Variants in LIG4 observed in about 807,000 individuals in gnomAD.
LIG4 encodes DNA ligase 4.
A neutral mutation model predicts 19.0 loss-of-function variants in LIG4; 13 were observed. The ratio of observed to expected loss-of-function variants is 0.68; its 90% confidence interval spans 0.44 to 1.09. The LOEUF is 1.09. LIG4 is among the 50% of genes least tolerant of loss of function. The probability of loss-of-function intolerance (pLI) is 0.00; values close to 1 mark genes in which losing one functional copy is unlikely to be tolerated. For missense variants in LIG4, 1,026 were observed against 1,089.7 expected (o/e 0.94, Z 0.82); for synonymous variants, 361 against 358.2 (o/e 1.01, Z -0.09).
chr13:108,213,167 C>T (rs1394347985), intron 2 of LIG4, among the ~76,000 whole-genome samples: 3 of 152,162 alleles, frequency 2.0e-5, no homozygotes, highest in African/African-American at 7.2e-5. Context: ...GTTGTTTCCT[C>T]TCTCTGAATC....
Position 108,210,557 on chromosome 13 carries a change from T to G in LIG4, c.712A>C (p.Ile238Leu), listed in dbSNP as rs149012859. ...LHDPSVGLSD[I>L]SITLFSAFKP... ...AATGCAGAAAATAAAGTGATAGAAA[T>G]ATCACTGAGTCCTACAGAAGGATCA... Residue 238 changes from isoleucine to leucine, a missense_variant, in exon 3 of 3, where the codon ATT (isoleucine) becomes CTT (leucine). This residue lies in a region of LIG4 where 493 missense variants were observed against 544.5 expected (regional missense o/e 0.91). Coordinates refer to ENST00000442234, the MANE Select transcript of LIG4 (RefSeq NM_206937.2). 1 of 1,612,794 alleles carries G rather than the reference T, an allele frequency of 6.2e-7. No homozygotes were observed. The highest frequency in any genetic ancestry group is 1.3e-5 in the African/African-American group (1 of 75,056).
chr13:108,211,191 T>C lies in LIG4; in HGVS notation c.78A>G (p.Ile26Met). 6.2e-7 allele frequency: 1 copy of C among 1,613,498 alleles called. No individual in the cohort carries two copies. Among genetic ancestry groups the C allele is most frequent in the Non-Finnish European group, 8.5e-7 (1 of 1,179,928 alleles). The change falls in exon 3 of 3, where the codon ATA (isoleucine) becomes ATG (methionine). Residue 26 changes from isoleucine (I) to methionine (M), a missense_variant. By Grantham distance (10) the Ile-to-Met change is conservative. Transcript: ENST00000442234. Reference protein sequence around the residue: ...FADLCSTLERIQKSKGRAEKI... With the variant: ...FADLCSTLERMQKSKGRAEKI... ...TTTCTGCACGTCCTTTACTTTTCTG[T>C]ATTCGTTCTAAAGTTGAACACAAAT...
chr13:108,210,836 T>C lies in LIG4; in HGVS notation c.433A>G (p.Ile145Val). 1 of 1,613,958 alleles carries C rather than the reference T, an allele frequency of 6.2e-7. No individual in the cohort carries two copies. The change falls in exon 3 of 3, where the codon ATA (isoleucine) becomes GTA (valine). Residue 145 changes from isoleucine (I) to valine (V), a missense_variant. Transcript: ENST00000442234. ...PRCLQKGSLT[I>V]QQVNDLLDSI... ...TCTAAAAGGTCGTTTACTTGCTGTA[T>C]GGTTAAACTTCCTTTCTGTAAACAT...
At position 108,210,525 on chromosome 13, in the gene LIG4, T is replaced by C; in HGVS notation, c.744A>G (p.Pro248=). 1 of 1,612,594 alleles carries C rather than the reference T, an allele frequency of 6.2e-7. No homozygotes were observed. Among genetic ancestry groups the C allele is most frequent in the Non-Finnish European group, 8.5e-7 (1 of 1,179,936 alleles). The change falls in exon 3 of 3, where the codon CCA becomes CCG. Residue 248 remains proline (P), a synonymous_variant. Transcript: ENST00000442234. ...ISITLFSAFK[P]MLAAIADIEH... ...CAATATCTGCAATAGCAGCTAGCAT[T>C]GGTTTAAATGCAGAAAATAAAGTGA...
In LIG4 at chr13:108,209,112, A is replaced by G. The variant is rs2138968929; in HGVS notation, c.2157T>C (p.Asp719=). The change falls in exon 3 of 3, where the codon GAT becomes GAC. Residue 719 remains aspartate, a synonymous_variant. Coordinates refer to ENST00000442234, the MANE Select transcript of LIG4 (RefSeq NM_206937.2). ...VKNIILSNKH[D]VVKPAWLLEC... is the part of the protein sequence containing the mutation. ...CTAAAAGCCATGCAGGCTTGACAACATCATGTTTATTTGACAAAATTATGT... is the reference window on the plus strand; with the variant it reads ...CTAAAAGCCATGCAGGCTTGACAACGTCATGTTTATTTGACAAAATTATGT... 3 of 1,614,138 alleles carry G rather than the reference A, an allele frequency of 1.9e-6. No individual in the cohort carries two copies. The highest frequency in any genetic ancestry group is 2.5e-6 in the Non-Finnish European group (3 of 1,180,012).
In LIG4 at chr13:108,210,301, A is replaced by T; in HGVS notation, c.968T>A (p.Ile323Lys). Residue 323 changes from isoleucine to lysine, a missense_variant, in exon 3 of 3, where the codon ATA (isoleucine) becomes AAA (lysine). Transcript: ENST00000442234. ...CTCACCATCAAGAATACAGATTTGT[A>T]TATCTGCTTTGAATGCATTATGAAT... ...PFIHNAFKADIQICILDGEMM... is the reference protein window; with the variant it reads ...PFIHNAFKADKQICILDGEMM... The T allele has an allele frequency of 4.3e-6, 7 of 1,614,018 alleles. No individual in the cohort carries two copies. The highest frequency in any genetic ancestry group is 5.9e-6 in the Non-Finnish European group (7 of 1,179,912).
At position 108,209,832 on chromosome 13, in the gene LIG4, C is replaced by A. The variant is rs529839175; in HGVS notation, c.1437G>T (p.Met479Ile). The change falls in exon 3 of 3, where the codon ATG becomes ATT. Residue 479 changes from methionine (M) to isoleucine (I), a missense_variant. By Grantham distance (10) the Met-to-Ile change is conservative. Coordinates refer to ENST00000442234, the MANE Select transcript of LIG4 (RefSeq NM_206937.2). Reference protein sequence around the residue: ...GYWGKGSRGGMMSHFLCAVAE... With the variant: ...GYWGKGSRGGIMSHFLCAVAE... ...CTACTGCACACAGAAAATGAGACAT[C>A]ATTCCACCCCGTGATCCTTTACCCC... The A allele has an allele frequency of 1.9e-5, 30 of 1,614,152 alleles. No individual in the cohort carries two copies. In the Admixed American group the frequency reaches 4.0e-4, roughly 22 times the overall value.
Position 108,208,673 on chromosome 13 carries a change from CA to C in LIG4, c.2595del (p.Ile865MetfsTer25), listed in dbSNP as rs757090161. ...CLAEGVSHVI[I>X]GEDHSRVADF... ...TCTGCAACACGACTATGATCTTCCCCAATTATTACATGAGACACTCCCTCAG... is the reference window on the plus strand; with the variant it reads ...TCTGCAACACGACTATGATCTTCCCCATTATTACATGAGACACTCCCTCAG... On this transcript the variant is annotated frameshift_variant, in exon 3 of 3. Coordinates refer to ENST00000442234, the MANE Select transcript of LIG4 (RefSeq NM_206937.2). LOFTEE classifies it high-confidence loss of function. The C allele has an allele frequency of 1.9e-6, 3 of 1,614,080 alleles. No individual in the cohort carries two copies. The highest frequency in any genetic ancestry group is 2.5e-6 in the Non-Finnish European group (3 of 1,179,984).
chr13:108,211,549 G>A (rs1202643762), intron 2 of LIG4, among the ~76,000 whole-genome samples: 2 of 152,090 alleles, frequency 1.3e-5, no homozygotes, highest in African/African-American at 2.4e-5. Flanking sequence ...TTATAATACA[G>A]AAATCATTTT....
In LIG4 at chr13:108,210,445, T is replaced by C; in HGVS notation, c.824A>G (p.Asp275Gly). The C allele has an allele frequency of 6.2e-7, 1 of 1,613,458 alleles. No individual in the cohort carries two copies. Among genetic ancestry groups the C allele is most frequent in the Non-Finnish European group, 8.5e-7 (1 of 1,179,904 alleles). The change falls in exon 3 of 3, where the codon GAT (aspartate) becomes GGT (glycine). Residue 275 changes from aspartate to glycine, a missense_variant. Physicochemically the swap from Asp to Gly is moderately conservative, Grantham distance 94. Around this residue, in one of 3 missense-constraint regions of LIG4, gnomAD observed 493 missense variants for 544.5 expected, o/e 0.91. Transcript: ENST00000442234. ...HQSFYIETKL[D>G]GERMQMHKDG... ...TTTGTGCATTTGCATACGTTCACCA[T>C]CTAGCTTGGTTTCTATGTAGAAACT... is the stretch of plus-strand genomic sequence containing the variant.
In LIG4 at chr13:108,211,058, T is replaced by A; in HGVS notation, c.211A>T (p.Ile71Phe). 1 of 1,602,892 alleles carries A rather than the reference T, an allele frequency of 6.2e-7. No homozygotes were observed. The highest frequency in any genetic ancestry group is 8.5e-7 in the Non-Finnish European group (1 of 1,174,770). ...CTCTCTCTTTCTAGCTGAGGAAGAA[T>A]TAGTCTCATTGCTGGATAAAAAGAG... ...TDSFYPAMRL[I>F]LPQLERERMA... The change falls in exon 3 of 3, where the codon ATT (isoleucine) becomes TTT (phenylalanine). Residue 71 changes from isoleucine (I) to phenylalanine (F), a missense_variant. This residue lies in a region of LIG4 where 493 missense variants were observed against 544.5 expected (regional missense o/e 0.91). Coordinates refer to ENST00000442234, the MANE Select transcript of LIG4 (RefSeq NM_206937.2).
rs1305903204 is a variant in LIG4 at position 108,211,185 on chromosome 13, T to C, written c.84A>G (p.Lys28=). Residue 28 remains lysine, a synonymous_variant, in exon 3 of 3, where the codon AAA becomes AAG. Transcript: ENST00000442234. ...DLCSTLERIQ[K]SKGRAEKIRH... ...TGATTTTTTCTGCACGTCCTTTACTTTTCTGTATTCGTTCTAAAGTTGAAC... is the reference window on the plus strand; with the variant it reads ...TGATTTTTTCTGCACGTCCTTTACTCTTCTGTATTCGTTCTAAAGTTGAAC... The C allele has an allele frequency of 6.2e-7, 1 of 1,613,462 alleles. No individual in the cohort carries two copies. The highest frequency in any genetic ancestry group is 8.5e-7 in the Non-Finnish European group (1 of 1,179,952).
chr13:108,211,958 C>T (rs779863986), intron 2 of LIG4, among the ~76,000 whole-genome samples: 1 of 152,128 alleles, frequency 6.6e-6, no homozygotes, highest in African/African-American at 2.4e-5. Flanking sequence ...CACCAGCATT[C>T]GATTCCAACT....
In LIG4 at chr13:108,210,086, G is replaced by A. The variant is rs761765982; in HGVS notation, c.1183C>T (p.Pro395Ser). The change falls in exon 3 of 3, where the codon CCA becomes TCA. Residue 395 changes from proline (P) to serine (S), a missense_variant. Around this residue, in one of 3 missense-constraint regions of LIG4, gnomAD observed 493 missense variants for 544.5 expected, o/e 0.91. Coordinates refer to ENST00000442234, the MANE Select transcript of LIG4 (RefSeq NM_206937.2). ...ACTATTTCTATTCTACCTGGAATTG[G>A]TGTAAAAATACTACTAAGAATCTCA... ...RYEILSSIFT[P>S]IPGRIEIVQK... 1.9e-6 allele frequency: 3 copies of A among 1,612,848 alleles called. No individual in the cohort carries two copies. The highest frequency in any genetic ancestry group is 1.3e-5 in the African/African-American group (1 of 74,880).
Position 108,208,796 on chromosome 13 carries a change from C to T in LIG4, c.2473G>A (p.Val825Ile). Reference protein sequence around the residue: ...RHTVYLDSYAVINDLSTKNEG... With the variant: ...RHTVYLDSYAIINDLSTKNEG... ...TTTTTGGTACTCAGGTCATTAATAA[C>T]AGCATACGAGTCCAAATAAACGGTG... The change falls in exon 3 of 3, where the codon GTT (valine) becomes ATT (isoleucine). Residue 825 changes from valine to isoleucine, a missense_variant. Around this residue, in one of 3 missense-constraint regions of LIG4, gnomAD observed 521 missense variants for 515.5 expected, o/e 1.01. Transcript: ENST00000442234. 1 of 1,614,150 alleles carries T rather than the reference C, an allele frequency of 6.2e-7. No homozygotes were observed. Among genetic ancestry groups the T allele is most frequent in the Non-Finnish European group, 8.5e-7 (1 of 1,180,008 alleles).
In LIG4 at chr13:108,211,124, A is replaced by G. The variant is rs760794401; in HGVS notation, c.145T>C (p.Phe49Leu). 1 of 1,611,460 alleles carries G rather than the reference A, an allele frequency of 6.2e-7. No homozygotes were observed. The highest frequency in any genetic ancestry group is 8.5e-7 in the Non-Finnish European group (1 of 1,178,148). Reference protein sequence around the residue: ...FREFLDSWRKFHDALHKNHKD... With the variant: ...FREFLDSWRKLHDALHKNHKD... ...TGGTTCTTATGAAGAGCATCATGAA[A>G]TTTTCTCCAAGAATCTAAAAATTCC... The change falls in exon 3 of 3, where the codon TTT (phenylalanine) becomes CTT (leucine). Residue 49 changes from phenylalanine (F) to leucine (L), a missense_variant. Physicochemically the swap from Phe to Leu is conservative, Grantham distance 22. Around this residue, in one of 3 missense-constraint regions of LIG4, gnomAD observed 493 missense variants for 544.5 expected, o/e 0.91. Transcript: ENST00000442234.
At position 108,207,653 on chromosome 13, in the gene LIG4, C is replaced by CATTGACTTTAA. The variant is rs1282385958; in HGVS notation, c.*869_*879dup. The CATTGACTTTAA allele has an allele frequency of 7.2e-5, 11 of 151,844 alleles. No homozygotes were observed. The highest frequency in any genetic ancestry group is 2.7e-4 in the African/African-American group (11 of 41,192). The allele number at this position is 151,844 out of a possible 1,614,324, so 9.4% of individuals were successfully genotyped here. ...ATCCATACATAATATATACTATATA[C>CATTGACTTTAA]ATTGACTTTAAATAATCTAACTATG... On this transcript the variant is annotated 3_prime_UTR_variant, in exon 3 of 3. Transcript: ENST00000442234.
Position 108,209,451 on chromosome 13 carries a change from T to C in LIG4, c.1818A>G (p.Ala606=). ...GGTGTTTAGATGCGAGCTTACCAGA[T>C]GCCTTCCCCCTAAGTTGTTCTAGGT... ...LDDLEQLRGK[A]SGKLASKHLY... The change falls in exon 3 of 3, where the codon GCA becomes GCG. Residue 606 remains alanine, a synonymous_variant. Transcript: ENST00000442234. 1 of 1,614,214 alleles carries C rather than the reference T, an allele frequency of 6.2e-7. No homozygotes were observed. The highest frequency in any genetic ancestry group is 8.5e-7 in the Non-Finnish European group (1 of 1,180,028).
In LIG4 at chr13:108,208,885, A is replaced by G. The variant is rs1174607897; in HGVS notation, c.2384T>C (p.Leu795Pro). 2 of 1,614,144 alleles carry G rather than the reference A, an allele frequency of 1.2e-6. No homozygotes were observed. Among genetic ancestry groups the G allele is most frequent in the Non-Finnish European group, 1.7e-6 (2 of 1,179,986 alleles). ...NEQTPEEMAS[L>P]IADLEYRYSW... is the part of the protein sequence containing the mutation. Reference sequence around the variant, plus strand: ...ATACCGATATTCTAAATCAGCAATCAGAGAAGCCATTTCTTCAGGAGTCTG... The same window carrying G: ...ATACCGATATTCTAAATCAGCAATCGGAGAAGCCATTTCTTCAGGAGTCTG... Residue 795 changes from leucine to proline, a missense_variant, in exon 3 of 3, where the codon CTG becomes CCG. By Grantham distance (98) the Leu-to-Pro change is moderately conservative. Coordinates refer to ENST00000442234, the MANE Select transcript of LIG4 (RefSeq NM_206937.2).
Sources: gnomAD v4.1 joint callset for allele counts (sites outside exome capture counted in the v4.1 genomes callset) on GRCh38, gnomAD v4.1.1 for gene constraint, gnomAD v4.1.1 regional missense constraint, MANE v1.5 for transcripts, NCBI Gene and HGNC (gene_info 2026-07-23, HGNC 2026-07-21) for gene names.